Variants in MTA3 observed in about 807,000 individuals in gnomAD.
MTA3 encodes metastasis associated 1 family member 3.
In MTA3, 34 loss-of-function variants were observed where a neutral mutation model predicts 83.5. The ratio of observed to expected loss-of-function variants is 0.41; its 90% confidence interval spans 0.31 to 0.54. The LOEUF (loss-of-function observed/expected upper bound fraction) is 0.54. Ranked by LOEUF, MTA3 falls within the 20% of genes least tolerant of loss-of-function variation. The probability of loss-of-function intolerance (pLI) is 0.33; values close to 1 mark genes in which losing one functional copy is unlikely to be tolerated. For missense variants in MTA3, 761 were observed against 726.4 expected, an observed-to-expected ratio of 1.05 and a Z score of -0.55; for synonymous variants, 303 against 252.7, an observed-to-expected ratio of 1.20 and a Z score of -1.89.
chr2:42,642,313 T>C (rs749481164), intron 5 of MTA3, among the ~76,000 whole-genome samples: 5 of 152,142 alleles, frequency 3.3e-5, no homozygotes, highest in Non-Finnish European at 7.3e-5. Context: ...TGGAGTACCA[T>C]GCTAATAGGT....
chr2:42,729,217 C>G (rs1668072149), intron 16 of MTA3, among the ~76,000 whole-genome samples: 1 of 150,298 alleles, frequency 6.7e-6, no homozygotes, highest in Non-Finnish European at 1.5e-5. Flanking sequence ...CTGCCTCAGC[C>G]TACCCAGTAG....
At chr2:42,595,607 G>A (rs923997641) in intron 3 of MTA3, among the ~76,000 whole-genome samples, 4 of 152,008 alleles carry the variant, frequency 2.6e-5, no homozygotes, top group African/African-American at 7.3e-5. Flanking sequence ...ACATTTTTCC[G>A]TGACTTCTTC....
chr2:42,510,563 A>G (rs1179141704), intron 2 of MTA3, among the ~76,000 whole-genome samples: 4 of 152,216 alleles, frequency 2.6e-5, no homozygotes, highest in Non-Finnish European at 5.9e-5. Context: ...CAAATGGGCA[A>G]ATTGTGAATT....
intron 5 of MTA3, among the ~76,000 whole-genome samples, chr2:42,641,649 C>T (rs1246001940): frequency 6.6e-6 from 1 of 151,962 alleles, no homozygotes; most frequent in Non-Finnish European, 1.5e-5. Flanking sequence ...AGTTCGAGAC[C>T]AGCCTGACCA....
rs1285112503 is a variant in MTA3, at chr2:42,746,173, A to G, written c.1760-7201A>G. ...CTTGAAATCTTTGTCTGATTTTAAT[A>G]CGGTGACACCAGTTTTCTTTATTTT... On this transcript the variant is annotated intron_variant, in intron 16 of 16. Coordinates refer to ENST00000405094, the MANE Select transcript of MTA3 (RefSeq NM_001330442.2). Among the ~76,000 whole-genome samples, 3 of 152,144 alleles carry G rather than the reference A, an allele frequency of 2.0e-5. No homozygotes were observed. The South Asian group carries it at 6.2e-4, about 32-fold the overall frequency.
intron 2 of MTA3, among the ~76,000 whole-genome samples, chr2:42,521,751 CTT>C (rs35664371): frequency 9.0e-4 from 96 of 106,388 alleles, no homozygotes; most frequent in Admixed American, 1.0e-3. Flanking sequence ...ATCTTTCTCT[CTT>C]TTTTTTTTTT....
In MTA3 at chr2:42,523,567, C is replaced by T. The variant is rs370765036; in HGVS notation, c.-141+28313C>T. Among the ~76,000 whole-genome samples, 12 of 152,234 alleles carry T rather than the reference C, an allele frequency of 7.9e-5. No homozygotes were observed. In the East Asian group the frequency reaches 9.7e-4, roughly 12 times the overall value. ...CGCTCATCTCAGTTGCTGTGTGAGA[C>T]GGAAATCAGCGTTTGTTCTTTAAGC... is the stretch of plus-strand genomic sequence containing the variant. On this transcript the variant is annotated intron_variant, in intron 2 of 17. Coordinates refer to the MTA3 transcript ENST00000405592.
chr2:42,722,825 A>C, intron 15 of MTA3, 64 bp from the exon 16 acceptor site: 1 of 1,522,614 alleles, frequency 6.6e-7, no homozygotes. Flanking sequence ...CTATTAGCCA[A>C]TGTAAATGCA....
At chr2:42,734,155 GTCTCTC>G (rs34385201) in intron 16 of MTA3, among the ~76,000 whole-genome samples, 1 of 150,686 alleles carries the variant, frequency 6.6e-6, no homozygotes, top group Non-Finnish European at 1.5e-5. Context: ...TTGTTTTGTG[GTCTCTC>G]TCTCTCTCTG....
chr2:42,548,816 T>G (rs1368003537), intron 2 of MTA3, among the ~76,000 whole-genome samples: 1 of 35,178 alleles, frequency 2.8e-5, no homozygotes, highest in Non-Finnish European at 4.8e-5. Flanking sequence ...AAAAAATATA[T>G]ATATATATAT....
At chr2:42,647,158 A>AAAAAAAAAACAAAC (rs1311685368) in intron 6 of MTA3, among the ~76,000 whole-genome samples, 6 of 151,160 alleles carry the variant, frequency 4.0e-5, no homozygotes, top group Admixed American at 1.3e-4. Flanking sequence ...CTCTGTCTAA[A>AAAAAAAAAACAAAC]AAAAAAAAAC....
intron 12 of MTA3, among the ~76,000 whole-genome samples, chr2:42,707,305 G>C (rs113111891): frequency 6.6e-6 from 1 of 151,462 alleles, no homozygotes. Flanking sequence ...GTGCAGTGGC[G>C]TGATCTCAGC....
intron 14 of MTA3, among the ~76,000 whole-genome samples, chr2:42,713,090 A>G (rs1666757620): frequency 6.6e-6 from 1 of 152,318 alleles, no homozygotes; most frequent in Non-Finnish European, 1.5e-5. Context: ...CAACATTCCA[A>G]AGATGAAGCT....
chr2:42,614,857 C>A (rs1684661096), intron 4 of MTA3, among the ~76,000 whole-genome samples: 2 of 151,704 alleles, frequency 1.3e-5, no homozygotes, highest in Non-Finnish European at 2.9e-5. Flanking sequence ...TGCCTGTATT[C>A]CCAGAAGTAT....
upstream of MTA3, among the ~76,000 whole-genome samples, chr2:42,567,313 T>C (rs1677959102): frequency 6.6e-6 from 1 of 152,174 alleles, no homozygotes; most frequent in Admixed American, 6.5e-5. Context: ...AATTCAATAG[T>C]GCTTTATTTT....
chr2:42,721,830 A>G (rs1284790881), intron 15 of MTA3, among the ~76,000 whole-genome samples: 1 of 152,210 alleles, frequency 6.6e-6, no homozygotes, highest in Non-Finnish European at 1.5e-5. Context: ...TTTGGTCTAG[A>G]TGGAGCATAG....
intron 2 of MTA3, among the ~76,000 whole-genome samples, chr2:42,533,725 G>A (rs7596405): frequency 0.021 from 3,074 of 149,676 alleles, 82 homozygotes; most frequent in African/African-American, 0.072. Context: ...CCAGATACTC[G>A]GGAGGCTGAG....
chr2:42,563,776 A>ATTCCCTTCCTTCCTTCCTTCCTTCCTTCC (rs1677772585), upstream of MTA3, among the ~76,000 whole-genome samples: 1 of 114,378 alleles, frequency 8.7e-6, no homozygotes, highest in Non-Finnish European at 1.8e-5. Flanking sequence ...TGGACCAAAC[A>ATTCCCTTCCTTCCTTCCTTCCTTCCTTCC]TTCCTTCCTT....
intron 3 of MTA3, among the ~76,000 whole-genome samples, chr2:42,580,843 A>C (rs1316205180): frequency 6.6e-6 from 1 of 152,094 alleles, no homozygotes; most frequent in African/African-American, 2.4e-5. Context: ...TGATCCGCCC[A>C]GCTTGGGAGT....
Sources: gnomAD v4.1 joint callset for allele counts (sites outside exome capture counted in the v4.1 genomes callset) on GRCh38, gnomAD v4.1.1 for gene constraint, MANE v1.5 for transcripts, NCBI Gene and HGNC (gene_info 2026-07-23, HGNC 2026-07-21) for gene names.